The following MEAK7 variants were observed in gnomAD, a reference collection of about 807,000 sequenced individuals.
MEAK7 encodes the protein MTOR-associated protein MEAK7.
In MEAK7, 68 loss-of-function variants were observed where a neutral mutation model predicts 40.5. The ratio of observed to expected loss-of-function variants is 1.68; its 90% CI spans 1.38 to 2.06. The LOEUF is 2.06. Ranked by LOEUF, MEAK7 falls within the 30% of genes most tolerant of loss-of-function variation. MEAK7 has a pLI of 0.00. For synonymous variants in MEAK7, 338 were observed against 231.9 expected (o/e 1.46, Z -4.16); for missense variants, 918 against 580.5 (o/e 1.58, Z -5.98).
intron 7 of MEAK7, among the ~76,000 whole-genome samples, chr16:84,480,240 G>T (rs915065904): frequency 6.6e-6 from 1 of 152,116 alleles, no homozygotes; most frequent in African/African-American, 2.4e-5. Context: ...GAAGCGGAAG[G>T]AACCCTAGAC....
At position 84,478,820 on chromosome 16, in the gene MEAK7, C is replaced by G. The variant is rs1240020177; in HGVS notation, c.*1093G>C. 6.6e-6 allele frequency: 1 copy of G among 152,226 alleles called. No homozygotes were observed. Among genetic ancestry groups the G allele is most frequent in the African/African-American group, 2.4e-5 (1 of 41,434 alleles). 9.4% of individuals were successfully genotyped at this position (152,226 alleles called of 1,614,324 possible). A position where few individuals can be genotyped will look rare whatever the true frequency, so the allele number is the denominator to read the frequency against. On this transcript the variant is annotated 3_prime_UTR_variant, in exon 8 of 8. Coordinates refer to ENST00000343629, the MANE Select transcript of MEAK7 (RefSeq NM_020947.4). ...GACTCAGGCACTGGTTCCCAGAGAT[C>G]TAGAACCCAGGCCAGCACCGAGGCC... is the stretch of plus-strand genomic sequence containing the variant.
intron 1 of MEAK7, chr16:84,499,895 G>C (rs1400187177): frequency 1.3e-5 from 2 of 152,228 alleles, no homozygotes; most frequent in African/African-American, 2.4e-5. Context: ...AAATTCGCCA[G>C]GCACGGTGGT....
At chr16:84,491,312 C>T (rs4782981) in intron 3 of MEAK7, among the ~76,000 whole-genome samples, 63,995 of 151,470 alleles carry the variant, frequency 0.42, 14,073 homozygotes, top group South Asian at 0.6. Flanking sequence ...CCAAGGTGGG[C>T]AGATCATTTG....
chr16:84,482,499 C>T (rs1474323425), intron 6 of MEAK7, 93 bp downstream of exon 6: 2 of 1,596,594 alleles, frequency 1.3e-6, no homozygotes, highest in African/African-American at 2.7e-5. Context: ...ATGCCACGCG[C>T]CCTGCCCTGA....
intron 1 of MEAK7, chr16:84,503,910 A>G (rs1327505629): frequency 1.0e-6 from 1 of 983,120 alleles, no homozygotes; most frequent in Non-Finnish European, 1.2e-6. Context: ...CCAACTCTCT[A>G]CTCCAAGGGC....
At chr16:84,485,114 C>T (rs1358180893) in intron 5 of MEAK7, among the ~76,000 whole-genome samples, 3 of 152,128 alleles carry the variant, frequency 2.0e-5, no homozygotes, top group Non-Finnish European at 4.4e-5. Context: ...CTGGTGGGCA[C>T]ATGCCCTATG....
At chr16:84,482,804 C>CA in intron 5 of MEAK7, 94 bp from the exon 6 acceptor site, 1 of 1,548,342 alleles carries the variant, frequency 6.5e-7, no homozygotes. Context: ...CAGGAAGCAA[C>CA]AGGGCCAAGA....
chr16:84,485,368 C>T (rs543938745), intron 5 of MEAK7, among the ~76,000 whole-genome samples: 1 of 152,332 alleles, frequency 6.6e-6, no homozygotes, highest in East Asian at 1.9e-4. Context: ...GCCCAACCCT[C>T]AACCTGGTGA....
At position 84,478,842 on chromosome 16, in the gene MEAK7, G is replaced by C. The variant is rs1912256891; in HGVS notation, c.*1071C>G. 6.6e-6 allele frequency: 1 copy of C among 152,206 alleles called. No homozygotes were observed. The highest frequency in any genetic ancestry group is 1.5e-5 in the Non-Finnish European group (1 of 68,058). 9.4% of individuals were successfully genotyped at this position (152,206 alleles called of 1,614,324 possible). ...GATCTAGAACCCAGGCCAGCACCGA[G>C]GCCTAGACAGCTGTGACTCAGGTGC... On this transcript the variant is annotated 3_prime_UTR_variant, in exon 8 of 8. Transcript: ENST00000343629.
At chr16:84,484,030 C>T (rs1293476091) in intron 5 of MEAK7, among the ~76,000 whole-genome samples, 2 of 152,188 alleles carry the variant, frequency 1.3e-5, no homozygotes, top group East Asian at 1.9e-4. Context: ...GGGTCACACC[C>T]GTCTGCACTG....
chr16:84,488,774 T>C (rs571996385), intron 4 of MEAK7, among the ~76,000 whole-genome samples: 1 of 152,292 alleles, frequency 6.6e-6, no homozygotes, highest in South Asian at 2.1e-4. Context: ...TCAAAACTTA[T>C]GGCATGCAGC....
At chr16:84,487,310 C>G (rs1403490960) in intron 4 of MEAK7, 1 of 463,732 alleles carries the variant, frequency 2.2e-6, no homozygotes, top group South Asian at 3.3e-5. Flanking sequence ...GTATTTAGGA[C>G]ATATTATTAG....
chr16:84,480,385 C>T (rs1171894373), intron 7 of MEAK7, 144 bp downstream of exon 7: 3 of 1,014,180 alleles, frequency 3.0e-6, no homozygotes, highest in Non-Finnish European at 4.2e-6. Context: ...CATCTCCTGG[C>T]ATCCAAGCCA....
At chr16:84,481,530 C>A (rs999807574) in intron 6 of MEAK7, among the ~76,000 whole-genome samples, 1 of 152,218 alleles carries the variant, frequency 6.6e-6, no homozygotes, top group Non-Finnish European at 1.5e-5. Flanking sequence ...ACGCCCCTCC[C>A]TCTCTCCAGG....
At chr16:84,496,009 G>T (rs1567502941) in intron 2 of MEAK7, 96 bp from the exon 3 acceptor site, 4 of 1,352,174 alleles carry the variant, frequency 3.0e-6, no homozygotes, top group Non-Finnish European at 3.1e-6. Flanking sequence ...AGGAAAAGGG[G>T]TCCTTGGGAA....
At chr16:84,485,355 G>C (rs1597930777) in intron 5 of MEAK7, among the ~76,000 whole-genome samples, 1 of 152,196 alleles carries the variant, frequency 6.6e-6, no homozygotes, top group Admixed American at 6.5e-5. Context: ...AGGAGATAGA[G>C]GTGCCCAACC....
chr16:84,495,491 C>G lies in MEAK7; in HGVS notation c.384+192G>C, dbSNP rs574221021. 2.5e-5 allele frequency: 15 copies of G among 601,250 alleles called. No homozygotes were observed. The South Asian group carries it at 2.8e-4, about 11-fold the overall frequency. 37.2% of individuals were successfully genotyped at this position (601,250 alleles called of 1,614,324 possible). A position where few individuals can be genotyped will look rare whatever the true frequency, so the allele number is the denominator to read the frequency against. On this transcript the variant is annotated intron_variant, in intron 3 of 7. Transcript: ENST00000343629. ...TAAGTCCTGAAGCCCTCAAAATCAT[C>G]TTTGGAGAAAGGCACAGGCCTCTCT... is the stretch of plus-strand genomic sequence containing the variant.
rs1261311774 is a variant in MEAK7, at chr16:84,479,466, CCT to C, written c.*445_*446del. The C allele has an allele frequency of 1.8e-5, 2 of 109,626 alleles. No homozygotes were observed. Among genetic ancestry groups the C allele is most frequent in the Non-Finnish European group, 3.7e-5 (2 of 54,606 alleles). The allele number at this position is 109,626 out of a possible 1,614,324, so 6.8% of individuals were successfully genotyped here. On this transcript the variant is annotated 3_prime_UTR_variant, in exon 8 of 8. Transcript: ENST00000343629. ...GAATTCCCTAATGCCAGCGGAATTC[CCT>C]AATGCCAGCGGAATTCCCTAATGCC...
In MEAK7 at chr16:84,477,287, G is replaced by C. The variant is rs988235659; in HGVS notation, c.*2626C>G. The C allele has an allele frequency of 6.6e-6, 1 of 152,242 alleles. No homozygotes were observed. Among genetic ancestry groups the C allele is most frequent in the Non-Finnish European group, 1.5e-5 (1 of 68,240 alleles). The allele number at this position is 152,242 out of a possible 1,614,324, so 9.4% of individuals were successfully genotyped here. On this transcript the variant is annotated 3_prime_UTR_variant, in exon 8 of 8. Transcript: ENST00000343629. ...GCTCACCACAACCTCTGCCTCCCTG[G>C]TTCAAGCAATTCTACTACCTCAGCC... is the stretch of plus-strand genomic sequence containing the variant.
Sources: allele counts gnomAD v4.1 joint callset (sites outside exome capture counted in the v4.1 genomes callset), GRCh38; gene constraint gnomAD v4.1.1; transcripts MANE v1.5; gene names NCBI Gene and HGNC (gene_info 2026-07-23, HGNC 2026-07-21).